CHAF1A: variants seen among roughly 807,000 people sequenced by gnomAD.
The protein encoded by CHAF1A is CAF-1 subunit A.
Under a neutral mutation model 93.2 loss-of-function variants are expected in CHAF1A, and 5 were observed. The observed-to-expected ratio is 0.05, with a 90% confidence interval of 0.03 to 0.11. The LOEUF (loss-of-function observed/expected upper bound fraction) is 0.11. CHAF1A is among the 10% of genes least tolerant of loss of function. The pLI is 1.00. For missense variants in CHAF1A, 1,102 were observed against 1,259.9 expected (o/e 0.87, Z 1.90); for synonymous variants, 504 against 510.3 (o/e 0.99, Z 0.17).
chr19:4,434,210 G>C (rs1369671058), intron 13 of CHAF1A, among the ~76,000 whole-genome samples: 3 of 152,086 alleles, frequency 2.0e-5, no homozygotes, highest in Admixed American at 2.0e-4. Flanking sequence ...TAGCCAAGCG[G>C]TGGCATGCAC....
chr19:4,409,592 A>G lies in CHAF1A; in HGVS notation c.793A>G (p.Met265Val), dbSNP rs905637000. The G allele has an allele frequency of 1.3e-5, 21 of 1,614,014 alleles. No individual in the cohort carries two copies. In the African/African-American group the frequency reaches 1.7e-4, roughly 13 times the overall value. ...SLPATPQGKN[M>V]TPESEVLESF... ...TCCAGCCACACCCCAAGGCAAGAACATGACCCCTGAGAGTGAGGTGCTGGA... is the reference window on the plus strand; with the variant it reads ...TCCAGCCACACCCCAAGGCAAGAACGTGACCCCTGAGAGTGAGGTGCTGGA... The change falls in exon 3 of 15, where the codon ATG becomes GTG. Residue 265 changes from methionine to valine, a missense_variant. Transcript: ENST00000301280.
At position 4,429,592 on chromosome 19, in the gene CHAF1A, T is replaced by C; in HGVS notation, c.1759T>C (p.Trp587Arg). The change falls in exon 9 of 15, where the codon TGG (tryptophan) becomes CGG (arginine). Residue 587 changes from tryptophan (W) to arginine (R), a missense_variant. By Grantham distance (101) the Trp-to-Arg change is moderately radical. Coordinates refer to ENST00000301280, the MANE Select transcript of CHAF1A (RefSeq NM_005483.3). Reference protein sequence around the residue: ...KTALIRARDPWAQDTKLLDYE... With the variant: ...KTALIRARDPRAQDTKLLDYE... ...GGCACTCATCCGCGCGCGAGACCCC[T>C]GGGCCCAGGACACGGTGAGCTAGCC... 6.2e-7 allele frequency: 1 copy of C among 1,614,110 alleles called. No individual in the cohort carries two copies. The highest frequency in any genetic ancestry group is 8.5e-7 in the Non-Finnish European group (1 of 1,180,018).
In CHAF1A at chr19:4,405,978, T is replaced by G; in HGVS notation, c.103+16T>G. 6.2e-7 allele frequency: 1 copy of G among 1,604,146 alleles called. No homozygotes were observed. Among genetic ancestry groups the G allele is most frequent in the Non-Finnish European group, 8.5e-7 (1 of 1,170,890 alleles). On this transcript the variant is annotated intron_variant, in intron 2 of 14. Transcript: ENST00000301280. ...TTAATACAAGGTAATTATTTGGAAATGGGTTAAAGAGTTGTTCGTAGTTTA... is the reference window on the plus strand; with the variant it reads ...TTAATACAAGGTAATTATTTGGAAAGGGGTTAAAGAGTTGTTCGTAGTTTA...
intron 3 of CHAF1A, among the ~76,000 whole-genome samples, chr19:4,416,876 C>T (rs972042185): frequency 6.6e-6 from 1 of 152,086 alleles, no homozygotes; most frequent in East Asian, 1.9e-4. Flanking sequence ...GCCTCTGTGA[C>T]AGGAGTAAGA....
downstream of CHAF1A, chr19:4,446,136 C>CT (rs755312992): frequency 5.0e-6 from 8 of 1,612,234 alleles, no homozygotes; most frequent in Non-Finnish European, 6.8e-6. Context: ...GCCAGTCGCT[C>CT]TGCAGGGCCT....
rs368049084 is a variant in CHAF1A, at chr19:4,433,183, C to G, written c.2317C>G (p.Pro773Ala). 106 of 1,613,594 alleles carry G rather than the reference C, an allele frequency of 6.6e-5. No homozygotes were observed. The highest frequency in any genetic ancestry group is 8.9e-5 in the Non-Finnish European group (105 of 1,179,866). ...RGLLSNHTGS[P>A]RSPSTTYLHT... The stretch of plus-strand genomic sequence containing the variant: ...ACTGCTCAGCAACCACACCGGCAGC[C>G]CGCGGAGCCCCTCCACCACCTACCT... Residue 773 changes from proline (P) to alanine (A), a missense_variant, in exon 13 of 15, where the codon CCG becomes GCG. Pro to Ala is a conservative substitution (Grantham distance 27, BLOSUM62 -1). Around this residue, in one of 6 missense-constraint regions of CHAF1A, gnomAD observed 335 missense variants for 361.9 expected, o/e 0.93. Transcript: ENST00000301280. The surrounding 1 kb of genome is among the most constrained non-coding windows in gnomAD (Gnocchi z 5.6).
the CHAF1A span, chr19:4,450,221 CAA>C: frequency 2.0e-4 from 10 of 49,190 alleles, no homozygotes; most frequent in Admixed American, 2.1e-4. Flanking sequence ...GACTCTGTCT[CAA>C]AAAAAAAAAA....
At chr19:4,436,214 A>T (rs971786480) in intron 13 of CHAF1A, among the ~76,000 whole-genome samples, 4 of 152,144 alleles carry the variant, frequency 2.6e-5, no homozygotes, top group Admixed American at 2.6e-4. Context: ...GATGATGCTC[A>T]GCCATCTCCC....
intron 2 of CHAF1A, 46 bp from the exon 3 acceptor site, chr19:4,408,857 G>A (rs1323983918): frequency 6.5e-7 from 1 of 1,549,640 alleles, no homozygotes; most frequent in Non-Finnish European, 8.7e-7. Context: ...ATGAGTGGTT[G>A]TAACTTTAAA....
Position 4,442,282 on chromosome 19 carries a change from CGGA to C in CHAF1A, c.2721_2723del (p.Glu911del), listed in dbSNP as rs775138792. ...GACATGGACGGCTTCCAGGCAGACA[CGGA>C]GGAGGAGGAAGAGGAGGAGGGCGAC... On this transcript the variant is annotated inframe_deletion, in exon 14 of 15. Coordinates refer to ENST00000301280, the MANE Select transcript of CHAF1A (RefSeq NM_005483.3). 3 of 1,613,552 alleles carry C rather than the reference CGGA, an allele frequency of 1.9e-6. No homozygotes were observed. Among genetic ancestry groups the C allele is most frequent in the Middle Eastern group, 1.6e-4 (1 of 6,082 alleles).
At position 4,432,076 on chromosome 19, in the gene CHAF1A, C is replaced by A; in HGVS notation, c.2072C>A (p.Ala691Glu). The A allele has an allele frequency of 6.2e-7, 1 of 1,614,016 alleles. No homozygotes were observed. The highest frequency in any genetic ancestry group is 8.5e-7 in the Non-Finnish European group (1 of 1,179,994). ...CCTGTGAAGATCGGCTGCGTGTGGGCGGCTGACAGAGACTGCGCAGGCGAT... is the reference window on the plus strand; with the variant it reads ...CCTGTGAAGATCGGCTGCGTGTGGGAGGCTGACAGAGACTGCGCAGGCGAT... Reference protein sequence around the residue: ...LQPVKIGCVWAADRDCAGDDL... With the variant: ...LQPVKIGCVWEADRDCAGDDL... The change falls in exon 12 of 15, where the codon GCG (alanine) becomes GAG (glutamate). Residue 691 changes from alanine to glutamate, a missense_variant. Physicochemically the swap from Ala to Glu is moderately radical, Grantham distance 107. Coordinates refer to ENST00000301280, the MANE Select transcript of CHAF1A (RefSeq NM_005483.3).
rs374801348 is a variant in CHAF1A, at chr19:4,428,909, C to T, written c.1604+19C>T. ...TTAACAGGTCAGAGCCTGAGGAGGT[C>T]GGCCTTCACCCACTAGTGATGCTGG... On this transcript the variant is annotated intron_variant, in intron 8 of 14. Coordinates refer to ENST00000301280, the MANE Select transcript of CHAF1A (RefSeq NM_005483.3). 41 of 1,600,464 alleles carry T rather than the reference C, an allele frequency of 2.6e-5. 1 individual carries two copies. The highest frequency in any genetic ancestry group is 1.7e-4 in the South Asian group (15 of 90,744).
At chr19:4,447,675 G>A (rs759293083), downstream of CHAF1A, 46 of 1,593,280 alleles carry the variant, frequency 2.9e-5, no homozygotes, top group Non-Finnish European at 3.4e-5. Context: ...CTGCCCACCC[G>A]GCCCCTCTGT....
At chr19:4,423,984 C>G (rs1200366395) in intron 7 of CHAF1A, 110 bp downstream of exon 7, 1 of 931,846 alleles carries the variant, frequency 1.1e-6, no homozygotes, top group Non-Finnish European at 1.7e-6. Flanking sequence ...AGGGAGGGAG[C>G]CTCCAGTGAC....
chr19:4,427,136 C>CTTTTTGTTTTTTTTTTTT (rs1974098491), intron 7 of CHAF1A, among the ~76,000 whole-genome samples: 1 of 31,948 alleles, frequency 3.1e-5, no homozygotes, highest in African/African-American at 1.5e-4. Context: ...AAGACCCTGT[C>CTTTTTGTTTTTTTTTTTT]TTTTTTTTTT....
chr19:4,411,199 T>C (rs888456643), intron 3 of CHAF1A, among the ~76,000 whole-genome samples: 2 of 152,108 alleles, frequency 1.3e-5, no homozygotes. Flanking sequence ...CCAACCTTGT[T>C]CGCTTTCGGG....
chr19:4,406,217 T>C (rs897206045), intron 2 of CHAF1A, among the ~76,000 whole-genome samples: 4 of 152,200 alleles, frequency 2.6e-5, no homozygotes, highest in Non-Finnish European at 5.9e-5. Context: ...GTAGGGAGCG[T>C]AGCAGCATCC....
Position 4,409,373 on chromosome 19 carries a change from G to T in CHAF1A, c.574G>T (p.Gly192Cys). ...AGAGGAGGAGGGTGTTGGCTGTGGA[G>T]GTGCAGGGAGGAGAGGCGACTCCCA... The part of the protein sequence containing the change: ...KTEEEGVGCG[G>C]AGRRGDSQEC... The change falls in exon 3 of 15, where the codon GGT (glycine) becomes TGT (cysteine). Residue 192 changes from glycine to cysteine, a missense_variant. Coordinates refer to ENST00000301280, the MANE Select transcript of CHAF1A (RefSeq NM_005483.3). 1 of 1,614,168 alleles carries T rather than the reference G, an allele frequency of 6.2e-7. No homozygotes were observed. The highest frequency in any genetic ancestry group is 8.5e-7 in the Non-Finnish European group (1 of 1,180,026).
chr19:4,414,504 C>T (rs1241656221), intron 3 of CHAF1A, among the ~76,000 whole-genome samples: 1 of 151,998 alleles, frequency 6.6e-6, no homozygotes, highest in Non-Finnish European at 1.5e-5. Context: ...TTTTCTGTGT[C>T]CTGTATATCC....
Sources: gnomAD v4.1 joint callset for allele counts (sites outside exome capture counted in the v4.1 genomes callset) on GRCh38, gnomAD v4.1.1 for gene constraint, gnomAD v4.1.1 regional missense constraint, Gnocchi (gnomAD v3.1) non-coding constraint, MANE v1.5 for transcripts, NCBI Gene and HGNC (gene_info 2026-07-23, HGNC 2026-07-21) for gene names.